Variants in PTPRT observed in about 807,000 individuals in gnomAD.
PTPRT encodes receptor-type tyrosine-protein phosphatase T.
In PTPRT, 56 loss-of-function variants were observed where a neutral mutation model predicts 176.8. The observed-to-expected ratio is 0.32, with a 90% CI of 0.26 to 0.40. PTPRT has a LOEUF of 0.40. Ranked by LOEUF, PTPRT falls within the 10% of genes least tolerant of loss-of-function variation. PTPRT has a pLI of 1.00. For missense variants in PTPRT, 1,540 were observed against 1,908.2 expected (o/e 0.81, Z 3.60); for synonymous variants, 783 against 739.0 (o/e 1.06, Z -0.96).
rs532776013 is a variant in PTPRT at position 42,800,283 on chromosome 20, T to G, written c.215-8817A>C. On this transcript the variant is annotated intron_variant, in intron 2 of 30. Coordinates refer to ENST00000373187, the MANE Select transcript of PTPRT (RefSeq NM_007050.6). ...TTTAGCTGCTAGGCTGCACACCACA[T>G]GTGGGCACGTTGTGTTTGATGGCAA... 3.9e-5 allele frequency among the ~76,000 whole-genome samples: 6 copies of G among 152,288 alleles called. No individual in the cohort carries two copies. The East Asian group carries it at 9.7e-4, about 25-fold the overall frequency.
chr20:42,405,504 C>T (rs1202080789), intron 9 of PTPRT, among the ~76,000 whole-genome samples: 2 of 152,246 alleles, frequency 1.3e-5, no homozygotes, highest in East Asian at 1.9e-4. Flanking sequence ...CATCCATGTC[C>T]CTACAAAGGA....
intron 7 of PTPRT, among the ~76,000 whole-genome samples, chr20:42,516,064 T>C (rs2072060185): frequency 7.8e-6 from 1 of 128,450 alleles, no homozygotes; most frequent in Non-Finnish European, 1.6e-5. Flanking sequence ...TGAGATCACA[T>C]GGACACAGGA....
intron 1 of PTPRT, among the ~76,000 whole-genome samples, chr20:42,953,867 T>C (rs73273632): frequency 0.073 from 11,123 of 152,256 alleles, 1,180 homozygotes; most frequent in African/African-American, 0.23. Context: ...TAGCAGCATC[T>C]CTTTCCTCTG....
intron 7 of PTPRT, among the ~76,000 whole-genome samples, chr20:42,633,659 G>A (rs1434515017): frequency 6.8e-5 from 10 of 147,216 alleles, no homozygotes; most frequent in Non-Finnish European, 1.0e-4. Context: ...GGTAGCACAC[G>A]CCTGTAATCC....
chr20:42,915,344 C>T (rs1306387257), intron 1 of PTPRT, among the ~76,000 whole-genome samples: 2 of 152,228 alleles, frequency 1.3e-5, no homozygotes, highest in Non-Finnish European at 1.5e-5. Flanking sequence ...ATAGGTAAGG[C>T]CTGTGGGTCC....
intron 8 of PTPRT, among the ~76,000 whole-genome samples, chr20:42,462,788 A>G (rs1851243642): frequency 6.6e-6 from 1 of 152,138 alleles, no homozygotes; most frequent in East Asian, 1.9e-4. Flanking sequence ...GCCACACACT[A>G]CTTAGCAAAG....
At chr20:42,180,202 T>C (rs1224856873) in intron 16 of PTPRT, among the ~76,000 whole-genome samples, 5 of 152,156 alleles carry the variant, frequency 3.3e-5, no homozygotes, top group African/African-American at 7.2e-5. Context: ...AGGATCTAAA[T>C]TTAGAGGAGA....
chr20:42,288,600 A>G (rs1014080866), intron 12 of PTPRT, among the ~76,000 whole-genome samples: 2 of 152,010 alleles, frequency 1.3e-5, no homozygotes, highest in African/African-American at 4.8e-5. Flanking sequence ...CTCACTTACA[A>G]GACAGAACAT....
chr20:42,579,479 A>G (rs541275756), intron 7 of PTPRT, among the ~76,000 whole-genome samples: 34 of 152,266 alleles, frequency 2.2e-4, no homozygotes, highest in African/African-American at 7.5e-4. Flanking sequence ...CTGAGGAATC[A>G]CCACACTGTC....
chr20:43,148,988 T>G (rs181236245), intron 1 of PTPRT, among the ~76,000 whole-genome samples: 1 of 152,290 alleles, frequency 6.6e-6, no homozygotes, highest in East Asian at 1.9e-4. Context: ...CAAGACAAAT[T>G]AATGCTGCAG....
chr20:42,486,447 A>G (rs1382346851), intron 7 of PTPRT, among the ~76,000 whole-genome samples: 1 of 152,208 alleles, frequency 6.6e-6, no homozygotes, highest in Non-Finnish European at 1.5e-5. Flanking sequence ...TATCTCTTGC[A>G]CATTAAAACT....
chr20:42,102,373 A>C, intron 25 of PTPRT, 76 bp from the exon 26 acceptor site: 1 of 1,462,878 alleles, frequency 6.8e-7, no homozygotes, highest in Non-Finnish European at 9.3e-7. Flanking sequence ...TAATGTTCCA[A>C]CTCAGCCTAA....
At chr20:43,149,217 A>C (rs1279466338) in intron 1 of PTPRT, among the ~76,000 whole-genome samples, 1 of 152,232 alleles carries the variant, frequency 6.6e-6, no homozygotes, top group African/African-American at 2.4e-5. Flanking sequence ...ATTTCTAAAA[A>C]TATGCCCCTG....
chr20:42,361,495 G>T (rs1314738987), intron 9 of PTPRT, among the ~76,000 whole-genome samples: 4 of 152,080 alleles, frequency 2.6e-5, no homozygotes, highest in Non-Finnish European at 5.9e-5. Flanking sequence ...CTAAGATTAG[G>T]TCATGAAGGC....
intron 7 of PTPRT, among the ~76,000 whole-genome samples, chr20:42,626,140 T>A (rs535244873): frequency 6.6e-6 from 1 of 152,062 alleles, no homozygotes; most frequent in Non-Finnish European, 1.5e-5. Context: ...AAAATTCACA[T>A]AAAAGTCAAA....
At chr20:42,553,934 A>T (rs1042386172) in intron 7 of PTPRT, among the ~76,000 whole-genome samples, 8 of 152,150 alleles carry the variant, frequency 5.3e-5, no homozygotes, top group Admixed American at 5.2e-4. Flanking sequence ...AATGAATGGT[A>T]GCATCTAAGA....
chr20:42,645,575 G>A (rs1481828290), intron 7 of PTPRT, among the ~76,000 whole-genome samples: 3 of 152,110 alleles, frequency 2.0e-5, no homozygotes, highest in Admixed American at 1.3e-4. Context: ...CACATGGAGA[G>A]ATGGGTTTCC....
intron 1 of PTPRT, among the ~76,000 whole-genome samples, chr20:42,990,484 G>T (rs1983845937): frequency 6.6e-6 from 1 of 152,088 alleles, no homozygotes. Context: ...ACACTAATGG[G>T]CCCACATCAA....
chr20:43,013,771 G>A (rs1421279686), intron 1 of PTPRT, among the ~76,000 whole-genome samples: 2 of 152,112 alleles, frequency 1.3e-5, no homozygotes, highest in South Asian at 2.1e-4. Flanking sequence ...GCTATCCCTG[G>A]GGATACAATA....
Sources: allele counts gnomAD v4.1 joint callset (sites outside exome capture counted in the v4.1 genomes callset), GRCh38; gene constraint gnomAD v4.1.1; transcripts MANE v1.5; gene names NCBI Gene and HGNC (gene_info 2026-07-23, HGNC 2026-07-21).